HPCAL1: variants seen among roughly 807,000 people sequenced by gnomAD.
The protein encoded by HPCAL1 is hippocalcin like 1, also known as hippocalcin-like protein 1.
Under a neutral mutation model 17.1 loss-of-function variants are expected in HPCAL1, and 8 were observed. The observed-to-expected ratio is 0.47, with a 90% CI of 0.27 to 0.84. The LOEUF (loss-of-function observed/expected upper bound fraction) is 0.84, where lower values mean the gene tolerates loss of function less well. Among genes scored for constraint, HPCAL1 ranks in the 40% least tolerant of loss-of-function variants. The probability of loss-of-function intolerance (pLI) is 0.13; values close to 1 mark genes in which losing one functional copy is unlikely to be tolerated. For synonymous variants in HPCAL1, 112 were observed against 111.4 expected (o/e 1.01, Z -0.03); for missense variants, 165 against 271.1 (o/e 0.61, Z 2.75).
chr2:10,379,368 C>T (rs1572760835), intron 1 of HPCAL1, among the ~76,000 whole-genome samples: 1 of 151,318 alleles, frequency 6.6e-6, no homozygotes, highest in Admixed American at 6.6e-5. Flanking sequence ...GTTTGTGACA[C>T]CCCATGGGTG....
chr2:10,338,024 A>T (rs913040790), intron 1 of HPCAL1, among the ~76,000 whole-genome samples: 2 of 152,210 alleles, frequency 1.3e-5, no homozygotes, highest in East Asian at 3.9e-4. Flanking sequence ...TAGTCAACAG[A>T]ACTGCAGAGA....
At chr2:10,308,627 G>A (rs1378236829) in intron 1 of HPCAL1, among the ~76,000 whole-genome samples, 1 of 152,120 alleles carries the variant, frequency 6.6e-6, no homozygotes, top group African/African-American at 2.4e-5. Context: ...CTGCTAGATG[G>A]CGAGCTCTCT....
chr2:10,323,331 AG>A lies in HPCAL1; in HGVS notation c.-111+20155del, dbSNP rs1370294625. Among the ~76,000 whole-genome samples, 12 of 152,208 alleles carry A rather than the reference AG, an allele frequency of 7.9e-5. No homozygotes were observed. The highest frequency in any genetic ancestry group is 2.9e-4 in the African/African-American group (12 of 41,434). ...CCTCTTGTACCCTAACTTCAGTGTTAGAGCACCTTTCAGGGGGAATGGCGTA... is the reference window on the plus strand; with the variant it reads ...CCTCTTGTACCCTAACTTCAGTGTTAAGCACCTTTCAGGGGGAATGGCGTA... On this transcript the variant is annotated intron_variant, in intron 1 of 4. Coordinates refer to ENST00000307845, the MANE Select transcript of HPCAL1 (RefSeq NM_002149.4). This position sits in a 1 kb window ranked among gnomAD's most constrained non-coding sequence, Gnocchi z 4.6.
intron 2 of HPCAL1, among the ~76,000 whole-genome samples, chr2:10,412,267 G>A (rs1007185202): frequency 6.6e-6 from 1 of 152,242 alleles, no homozygotes; most frequent in African/African-American, 2.4e-5. Context: ...ATGGTGTGCA[G>A]GGAACGACTT....
rs1668879469 is a variant in HPCAL1 at position 10,394,391 on chromosome 2, G to A, written c.-110-2444G>A. Among the ~76,000 whole-genome samples the A allele has an allele frequency of 6.6e-6, 1 of 152,148 alleles. No homozygotes were observed. The highest frequency in any genetic ancestry group is 2.1e-4 in the South Asian group (1 of 4,828). On this transcript the variant is annotated intron_variant, in intron 1 of 4. Coordinates refer to ENST00000307845, the MANE Select transcript of HPCAL1 (RefSeq NM_002149.4). The surrounding 1 kb of genome is among the most constrained non-coding windows in gnomAD (Gnocchi z 5.0). ...CTCCTCGTGGAGAGCCCTTGACCCT[G>A]TCCAGGTCTTGATTTCTCGGAGTGT...
rs139410824 is a variant in HPCAL1 at position 10,355,884 on chromosome 2, C to T, written c.-110-40951C>T. On this transcript the variant is annotated intron_variant, in intron 1 of 4. Coordinates refer to ENST00000307845, the MANE Select transcript of HPCAL1 (RefSeq NM_002149.4). ...GGTCTCAGAAACTGGTACCTACTTT[C>T]CTCTTATTTGGCACCGGGAGCCCCT... Among the ~76,000 whole-genome samples the T allele has an allele frequency of 7.1e-4, 108 of 152,158 alleles. 2 individuals are homozygous for T. In the East Asian group the frequency reaches 0.017, roughly 23 times the overall value.
intron 1 of HPCAL1, among the ~76,000 whole-genome samples, chr2:10,386,988 CTT>C (rs1668357004): frequency 6.6e-6 from 1 of 152,210 alleles, no homozygotes. Flanking sequence ...AGAAGCGGGG[CTT>C]GCAGGCCAGG....
chr2:10,417,752 A>G (rs1670762432), intron 2 of HPCAL1, among the ~76,000 whole-genome samples: 1 of 152,148 alleles, frequency 6.6e-6, no homozygotes, highest in African/African-American at 2.4e-5. Flanking sequence ...CATAAAGATA[A>G]GTAAAAACAC....
intron 1 of HPCAL1, among the ~76,000 whole-genome samples, chr2:10,364,914 C>G (rs1267261850): frequency 6.6e-6 from 1 of 152,058 alleles, no homozygotes; most frequent in South Asian, 2.1e-4. Flanking sequence ...TCCTTTTCTC[C>G]CTCTCTGAGG....
Position 10,426,936 on chromosome 2 carries a change from G to GA in HPCAL1, c.*115_*116insA. 4 of 966,820 alleles carry GA rather than the reference G, an allele frequency of 4.1e-6. No individual in the cohort carries two copies. Among genetic ancestry groups the GA allele is most frequent in the Non-Finnish European group, 6.4e-6 (4 of 624,920 alleles). 59.9% of individuals were successfully genotyped at this position (966,820 alleles called of 1,614,324 possible). The stretch of plus-strand genomic sequence containing the variant: ...CTGCTCTCCCGGGCCCCGGGCCTGG[G>GA]GCATGCGTTGCACCTGCCCAGCCCG... On this transcript the variant is annotated 3_prime_UTR_variant, in exon 5 of 5. Transcript: ENST00000307845.
chr2:10,399,389 C>T (rs1398327397), intron 2 of HPCAL1, among the ~76,000 whole-genome samples: 2 of 122,032 alleles, frequency 1.6e-5, no homozygotes, highest in African/African-American at 3.4e-5. Flanking sequence ...CCACCACCAC[C>T]ACCACCATCA....
At chr2:10,339,398 C>T (rs921923710) in intron 1 of HPCAL1, among the ~76,000 whole-genome samples, 3 of 152,044 alleles carry the variant, frequency 2.0e-5, no homozygotes, top group Admixed American at 6.5e-5. Flanking sequence ...CTCCGCCTCC[C>T]GGGTTTAAGC....
chr2:10,349,053 C>T (rs898784938), intron 1 of HPCAL1, among the ~76,000 whole-genome samples: 3 of 152,322 alleles, frequency 2.0e-5, no homozygotes, highest in East Asian at 3.9e-4. Context: ...GTTCCTTTTG[C>T]ACATTTCCTG....
chr2:10,338,518 G>C (rs1332950048), intron 1 of HPCAL1, among the ~76,000 whole-genome samples: 3 of 152,142 alleles, frequency 2.0e-5, no homozygotes, highest in African/African-American at 7.2e-5. Context: ...AGATGAAGTT[G>C]GTGGGTCACT....
rs1235792990 is a variant in HPCAL1 at position 10,354,013 on chromosome 2, C to T, written c.-110-42822C>T. On this transcript the variant is annotated intron_variant, in intron 1 of 4. Transcript: ENST00000307845. This position sits in a 1 kb window ranked among gnomAD's most constrained non-coding sequence, Gnocchi z 5.1. ...TGAGGGACTATTTTAATGGTAAGTA[C>T]CCATATTTAGATCTTTTTTACTGTG... is the stretch of plus-strand genomic sequence containing the variant. 6.6e-6 allele frequency among the ~76,000 whole-genome samples: 1 copy of T among 152,132 alleles called. No individual in the cohort carries two copies. Among genetic ancestry groups the T allele is most frequent in the Non-Finnish European group, 1.5e-5 (1 of 68,020 alleles).
rs1466938455 is a variant in HPCAL1, at chr2:10,323,282, C to G, written c.-111+20105C>G. ...CGTCCAGCCTCTCAAGCTGGCTGCT[C>G]CCCTTTCTCAGTTGTCCCCTGTGCC... On this transcript the variant is annotated intron_variant, in intron 1 of 4. Transcript: ENST00000307845. The surrounding 1 kb of genome is among the most constrained non-coding windows in gnomAD (Gnocchi z 4.6). Among the ~76,000 whole-genome samples the G allele has an allele frequency of 6.6e-6, 1 of 152,230 alleles. No individual in the cohort carries two copies. Among genetic ancestry groups the G allele is most frequent in the Non-Finnish European group, 1.5e-5 (1 of 68,036 alleles).
chr2:10,414,095 TG>T (rs1376290277), intron 2 of HPCAL1, among the ~76,000 whole-genome samples: 1 of 152,218 alleles, frequency 6.6e-6, no homozygotes, highest in African/African-American at 2.4e-5. Flanking sequence ...CTCCCAGGGT[TG>T]GTTTACTTGT....
In HPCAL1 at chr2:10,367,607, G is replaced by A. The variant is rs545554628; in HGVS notation, c.-110-29228G>A. 3.9e-5 allele frequency among the ~76,000 whole-genome samples: 6 copies of A among 152,234 alleles called. No individual in the cohort carries two copies. Among genetic ancestry groups the A allele is most frequent in the East Asian group, 3.9e-4 (2 of 5,190 alleles). On this transcript the variant is annotated intron_variant, in intron 1 of 4. Coordinates refer to ENST00000307845, the MANE Select transcript of HPCAL1 (RefSeq NM_002149.4). The surrounding 1 kb of genome is among the most constrained non-coding windows in gnomAD (Gnocchi z 4.4). ...GCAACAACAATCACTGTCATCCCAC[G>A]GGTTGGTTTAGATGTAAATTTTATG...
Position 10,426,792 on chromosome 2 carries a change from T to G in HPCAL1, c.553T>G (p.Cys185Gly). 6.2e-7 allele frequency: 1 copy of G among 1,613,382 alleles called. No individual in the cohort carries two copies. Among genetic ancestry groups the G allele is most frequent in the African/African-American group, 1.3e-5 (1 of 75,062 alleles). The change falls in exon 5 of 5, where the codon TGC (cysteine) becomes GGC (glycine). Residue 185 changes from cysteine to glycine, a missense_variant. By Grantham distance (159) the Cys-to-Gly change is radical. Coordinates refer to ENST00000307845, the MANE Select transcript of HPCAL1 (RefSeq NM_002149.4). ...CCCCTCCATCGTCCGCCTGCTGCAG[T>G]GCGACCCCAGCAGTGCCAGTCAGTT... is the stretch of plus-strand genomic sequence containing the variant. ...SDPSIVRLLQ[C>G]DPSSASQF
Sources: allele counts gnomAD v4.1 joint callset (sites outside exome capture counted in the v4.1 genomes callset), GRCh38; gene constraint gnomAD v4.1.1; non-coding constraint Gnocchi (gnomAD v3.1); transcripts MANE v1.5; gene names NCBI Gene and HGNC (gene_info 2026-07-23, HGNC 2026-07-21).